The following CDK13 variants were observed in gnomAD, a reference collection of about 807,000 sequenced individuals.
CDK13 encodes the protein cyclin-dependent kinase 13.
In CDK13, 40 loss-of-function variants were observed where a neutral mutation model predicts 137.6. The observed-to-expected ratio is 0.29, with a 90% CI of 0.23 to 0.38. The LOEUF (loss-of-function observed/expected upper bound fraction) is 0.38, where lower values mean the gene tolerates loss of function less well. Ranked by LOEUF, CDK13 falls within the 10% of genes least tolerant of loss-of-function variation. CDK13 has a pLI of 1.00. For synonymous variants in CDK13, 869 were observed against 760.1 expected, an observed-to-expected ratio of 1.14 and a Z score of -2.36; for missense variants, 1,704 against 1,951.8, an observed-to-expected ratio of 0.87 and a Z score of 2.39.
intron 5 of CDK13, among the ~76,000 whole-genome samples, chr7:40,044,870 T>C (rs1205937673): frequency 3.3e-5 from 5 of 151,552 alleles, no homozygotes; most frequent in Admixed American, 6.6e-5. Context: ...TCTCCTGACC[T>C]CATGATCCGC....
intron 1 of CDK13, among the ~76,000 whole-genome samples, chr7:39,974,947 C>A (rs1215790208): frequency 6.6e-6 from 1 of 152,138 alleles, no homozygotes; most frequent in Non-Finnish European, 1.5e-5. Flanking sequence ...TGAGAAGGGA[C>A]TTTCTTGTCT....
chr7:40,010,034 C>T (rs1784863788), intron 5 of CDK13, among the ~76,000 whole-genome samples: 1 of 152,172 alleles, frequency 6.6e-6, no homozygotes, highest in Non-Finnish European at 1.5e-5. Flanking sequence ...TGCCATTTTT[C>T]CACAGACTGT....
intron 5 of CDK13, among the ~76,000 whole-genome samples, chr7:40,003,196 A>ACTCTCTCTCT (rs1181645921): frequency 3.7e-5 from 4 of 107,546 alleles, no homozygotes; most frequent in African/African-American, 1.2e-4. Flanking sequence ...ACACACACAC[A>ACTCTCTCTCT]CACACACACA....
chr7:40,081,989 A>AT (rs897335592), intron 11 of CDK13, among the ~76,000 whole-genome samples: 3 of 152,110 alleles, frequency 2.0e-5, no homozygotes, highest in South Asian at 4.1e-4. Flanking sequence ...GAGGGCTGAG[A>AT]TTTTTTTCCC....
At chr7:40,036,659 T>C (rs920512173) in intron 5 of CDK13, among the ~76,000 whole-genome samples, 13 of 151,974 alleles carry the variant, frequency 8.6e-5, no homozygotes, top group Admixed American at 8.5e-4. Context: ...TCTTTCACTT[T>C]TATAGTTAAC....
intron 1 of CDK13, among the ~76,000 whole-genome samples, chr7:39,979,715 T>A (rs1440577091): frequency 6.6e-6 from 1 of 152,180 alleles, no homozygotes; most frequent in Non-Finnish European, 1.5e-5. Context: ...TAAGAGGAAC[T>A]TCGTAGATAT....
At position 40,094,615 on chromosome 7, in the gene CDK13, C is replaced by G. The variant is rs751226317; in HGVS notation, c.4174C>G (p.Gln1392Glu). ...TASSHSGGPP[Q>E]PSAFSESFPS... The stretch of plus-strand genomic sequence containing the variant: ...TTCATCTCATTCTGGTGGTCCACCT[C>G]AGCCTTCTGCCTTTTCTGAGTCATT... The change falls in exon 14 of 14, where the codon CAG becomes GAG. Residue 1392 changes from glutamine to glutamate, a missense_variant. Transcript: ENST00000181839. 9.9e-6 allele frequency: 16 copies of G among 1,613,922 alleles called. No homozygotes were observed. Among genetic ancestry groups the G allele is most frequent in the Non-Finnish European group, 1.3e-5 (15 of 1,179,900 alleles).
rs1785461359 is a variant in CDK13, at chr7:40,035,465, CT to C, written c.2354-10369del. 2.0e-5 allele frequency among the ~76,000 whole-genome samples: 3 copies of C among 152,088 alleles called. No homozygotes were observed. In the South Asian group the frequency reaches 6.2e-4, roughly 32 times the overall value. ...CATAGCTCCCATAACTGCCTGAGCT[CT>C]TCCTGCTGTCAGATCAGTGACAGCA... On this transcript the variant is annotated intron_variant, in intron 5 of 13. Coordinates refer to ENST00000181839, the MANE Select transcript of CDK13 (RefSeq NM_003718.5).
chr7:40,025,995 C>G (rs1467303818), intron 5 of CDK13, among the ~76,000 whole-genome samples: 2 of 152,156 alleles, frequency 1.3e-5, no homozygotes, highest in Non-Finnish European at 2.9e-5. Flanking sequence ...AGGGTTAGTT[C>G]TTGGTTCTAT....
At chr7:40,065,877 A>G (rs1786268768) in intron 9 of CDK13, among the ~76,000 whole-genome samples, 1 of 152,202 alleles carries the variant, frequency 6.6e-6, no homozygotes, top group Non-Finnish European at 1.5e-5. Context: ...GTTTAACTTC[A>G]TATGAAAAGA....
At position 40,098,358 on chromosome 7, in the gene CDK13, T is replaced by G. The variant is rs984643594; in HGVS notation, c.*3378T>G. 6.6e-6 allele frequency: 1 copy of G among 152,050 alleles called. No homozygotes were observed. Among genetic ancestry groups the G allele is most frequent in the African/African-American group, 2.4e-5 (1 of 41,438 alleles). 9.4% of individuals were successfully genotyped at this position (152,050 alleles called of 1,614,324 possible). Reference sequence around the variant, plus strand: ...TGGGATGATTTTTCATCCTAGGGCTTTTTGTTTTCCTTTTTTATTTTTATT... The same window carrying G: ...TGGGATGATTTTTCATCCTAGGGCTGTTTGTTTTCCTTTTTTATTTTTATT... On this transcript the variant is annotated 3_prime_UTR_variant, in exon 14 of 14. Coordinates refer to ENST00000181839, the MANE Select transcript of CDK13 (RefSeq NM_003718.5).
In CDK13 at chr7:39,951,140, GCGGCGA is replaced by G; in HGVS notation, c.504_509del (p.Thr169_Ala170del). ...GCTGGGGGGGGCCAGCGCGGCAACG[GCGGCGA>G]CGGCTGCCGGGGGAACGGGGGGCAG... On this transcript the variant is annotated inframe_deletion, in exon 1 of 14. Transcript: ENST00000181839. 1 of 1,242,992 alleles carries G rather than the reference GCGGCGA, an allele frequency of 8.0e-7. No homozygotes were observed. Among genetic ancestry groups the G allele is most frequent in the Non-Finnish European group, 1.0e-6 (1 of 994,942 alleles). The allele number at this position is 1,242,992 out of a possible 1,614,324, so 77.0% of individuals were successfully genotyped here. A position where few individuals can be genotyped will look rare whatever the true frequency, so the allele number is the denominator to read the frequency against.
chr7:40,055,120 T>TA (rs1265404733), intron 7 of CDK13, among the ~76,000 whole-genome samples: 2 of 151,616 alleles, frequency 1.3e-5, no homozygotes, highest in African/African-American at 4.8e-5. Flanking sequence ...TTATTGAAGT[T>TA]ACTAAATTTT....
intron 1 of CDK13, chr7:39,986,547 T>C (rs888501349): frequency 6.6e-6 from 1 of 152,222 alleles, no homozygotes; most frequent in African/African-American, 2.4e-5. Context: ...TGCCTCTCTG[T>C]GCTTTTCCTT....
chr7:40,011,768 GAAA>G (rs138344241), intron 5 of CDK13, among the ~76,000 whole-genome samples: 2 of 151,660 alleles, frequency 1.3e-5, no homozygotes. Context: ...GGCAACAAAA[GAAA>G]AAAAATAGAT....
chr7:40,064,880 C>T (rs1161552608), intron 9 of CDK13, among the ~76,000 whole-genome samples: 1 of 149,680 alleles, frequency 6.7e-6, no homozygotes. Context: ...CAGCCTTGAC[C>T]TCCTGGAGCC....
In CDK13 at chr7:39,981,022, C is replaced by T. The variant is rs548714202; in HGVS notation, c.1212-6577C>T. 4.6e-5 allele frequency among the ~76,000 whole-genome samples: 7 copies of T among 152,208 alleles called. No homozygotes were observed. The South Asian group carries it at 6.2e-4, about 14-fold the overall frequency. ...TCTTAAAAACATCACAAGCAAGAAACAGGTAATATGTATTCATTAATTTCT... is the reference window on the plus strand; with the variant it reads ...TCTTAAAAACATCACAAGCAAGAAATAGGTAATATGTATTCATTAATTTCT... On this transcript the variant is annotated intron_variant, in intron 1 of 13. Transcript: ENST00000181839.
chr7:40,014,058 CTTTTTTTT>C (rs927741062), intron 5 of CDK13, among the ~76,000 whole-genome samples: 16 of 60,936 alleles, frequency 2.6e-4, no homozygotes, highest in South Asian at 6.2e-4. Flanking sequence ...GCTGTCTTGT[CTTTTTTTT>C]TTTTTTTTTT....
intron 11 of CDK13, among the ~76,000 whole-genome samples, chr7:40,081,769 C>T (rs917989733): frequency 2.6e-5 from 4 of 152,068 alleles, no homozygotes; most frequent in East Asian, 1.9e-4. Context: ...TGCGCTACCA[C>T]GCCCGGCTAA....
Sources: allele counts gnomAD v4.1 joint callset (sites outside exome capture counted in the v4.1 genomes callset), GRCh38; gene constraint gnomAD v4.1.1; transcripts MANE v1.5; gene names NCBI Gene and HGNC (gene_info 2026-07-23, HGNC 2026-07-21).